The following RNF125 variants were observed in gnomAD, a reference collection of about 807,000 sequenced individuals.
The protein encoded by RNF125 is ring finger protein 125.
Under a neutral mutation model 26.0 loss-of-function variants are expected in RNF125, and 21 were observed. The observed-to-expected ratio is 0.81, with a 90% CI of 0.57 to 1.16. RNF125 has a LOEUF of 1.16. RNF125 is among the 50% of genes most tolerant of loss of function. The pLI is 0.00. For synonymous variants in RNF125, 95 were observed against 109.2 expected (o/e 0.87, Z 0.81); for missense variants, 270 against 299.4 (o/e 0.90, Z 0.72).
In RNF125 at chr18:32,069,223, C is replaced by T. The variant is rs572525591; in HGVS notation, c.*839C>T. 2.0e-5 allele frequency: 3 copies of T among 148,944 alleles called. No individual in the cohort carries two copies. Among genetic ancestry groups the T allele is most frequent in the Non-Finnish European group, 4.5e-5 (3 of 67,284 alleles). The allele number at this position is 148,944 out of a possible 1,614,324, so 9.2% of individuals were successfully genotyped here. A position where few individuals can be genotyped will look rare whatever the true frequency, so the allele number is the denominator to read the frequency against. On this transcript the variant is annotated 3_prime_UTR_variant, in exon 6 of 6. Transcript: ENST00000217740. ...CTCAAAAAAAAAAAAAAAAAAAATCCATTTAACCAAATTGTCTTACATAAT... is the reference window on the plus strand; with the variant it reads ...CTCAAAAAAAAAAAAAAAAAAAATCTATTTAACCAAATTGTCTTACATAAT...
At chr18:32,053,101 G>A (rs1002660623) in intron 4 of RNF125, among the ~76,000 whole-genome samples, 2 of 152,220 alleles carry the variant, frequency 1.3e-5, no homozygotes, top group Non-Finnish European at 2.9e-5. Flanking sequence ...GGTGGCTCAT[G>A]CCTGTAATCC....
At chr18:32,066,921 C>T (rs2039490099) in intron 5 of RNF125, among the ~76,000 whole-genome samples, 1 of 152,138 alleles carries the variant, frequency 6.6e-6, no homozygotes, top group Non-Finnish European at 1.5e-5. Context: ...CTCAACAGAA[C>T]TTGGTTCTGG....
At chr18:32,087,479 T>C in the RNF125 span, among the ~76,000 whole-genome samples, 1 of 151,806 alleles carries the variant, frequency 6.6e-6, no homozygotes, top group Admixed American at 6.6e-5. Flanking sequence ...TGACACTGTC[T>C]CTGGGTAGGT....
At position 32,019,382 on chromosome 18, in the gene RNF125, GGC is replaced by G. The variant is rs1268364829; in HGVS notation, c.164+356_164+357del. Among the ~76,000 whole-genome samples the G allele has an allele frequency of 2.1e-4, 32 of 152,272 alleles. No homozygotes were observed. In the South Asian group the frequency reaches 5.8e-3, roughly 28 times the overall value. On this transcript the variant is annotated intron_variant, in intron 1 of 5. Coordinates refer to ENST00000217740, the MANE Select transcript of RNF125 (RefSeq NM_017831.4). ...TGGCTGGAGAACCAGCGCTCGCCCA[GGC>G]ACGGAAAGGAAACGAGCTCCAGCTA... is the stretch of plus-strand genomic sequence containing the variant.
At chr18:32,020,006 G>C (rs1001212143) in intron 1 of RNF125, among the ~76,000 whole-genome samples, 3 of 31,950 alleles carry the variant, frequency 9.4e-5, no homozygotes, top group African/African-American at 2.3e-4. Context: ...TGTTTACTGT[G>C]TGTGTGTGTG....
chr18:32,076,937 ATCTG>A (rs1327925630), downstream of RNF125, among the ~76,000 whole-genome samples: 16 of 152,162 alleles, frequency 1.1e-4, no homozygotes, highest in Non-Finnish European at 2.2e-4. Context: ...CCTCCACCAA[ATCTG>A]TCTATTGTTT....
intron 4 of RNF125, among the ~76,000 whole-genome samples, chr18:32,047,121 C>G (rs2039280057): frequency 6.6e-6 from 1 of 152,036 alleles, no homozygotes; most frequent in South Asian, 2.1e-4. Context: ...ACTGCAACCT[C>G]CGCCTCCCAG....
intron 4 of RNF125, among the ~76,000 whole-genome samples, chr18:32,051,843 C>T (rs372015451): frequency 2.0e-5 from 3 of 151,828 alleles, no homozygotes; most frequent in African/African-American, 7.2e-5. Flanking sequence ...GCATGCACCA[C>T]TGCACCCAGC....
intron 1 of RNF125, 39 bp downstream of exon 1, chr18:32,019,066 G>C (rs2144419357): frequency 6.2e-7 from 1 of 1,602,264 alleles, no homozygotes; most frequent in African/African-American, 1.4e-5. Context: ...CCACCCCTAA[G>C]GAGGGCGATG....
At chr18:32,074,319 G>C (rs547539460), downstream of RNF125, among the ~76,000 whole-genome samples, 34 of 152,256 alleles carry the variant, frequency 2.2e-4, no homozygotes, top group South Asian at 1.2e-3. Context: ...TAATGTCAAG[G>C]CACTGAGGAA....
At chr18:32,087,188 C>G in the RNF125 span, among the ~76,000 whole-genome samples, 1 of 151,968 alleles carries the variant, frequency 6.6e-6, no homozygotes, top group Non-Finnish European at 1.5e-5. Flanking sequence ...AATCGTGTTT[C>G]TCTGAGTTCT....
At position 32,018,959 on chromosome 18, in the gene RNF125, C is replaced by T. The variant is rs766030807; in HGVS notation, c.96C>T (p.Val32=). 7 of 1,613,836 alleles carry T rather than the reference C, an allele frequency of 4.3e-6. No individual in the cohort carries two copies. The South Asian group carries it at 4.4e-5, about 10-fold the overall frequency. Residue 32 remains valine, a synonymous_variant, in exon 1 of 6, where the codon GTC becomes GTT. Coordinates refer to ENST00000217740, the MANE Select transcript of RNF125 (RefSeq NM_017831.4). The part of the protein sequence containing the change: ...LERRRDPELP[V]TSFDCAVCLE... Reference sequence around the variant, plus strand: ...GCAGGAGGGACCCGGAGTTGCCCGTCACGTCCTTCGACTGCGCCGTGTGCC... The same window carrying T: ...GCAGGAGGGACCCGGAGTTGCCCGTTACGTCCTTCGACTGCGCCGTGTGCC...
chr18:32,026,242 CTTTTTTTTTTTT>C (rs1181390375), intron 1 of RNF125, among the ~76,000 whole-genome samples: 1 of 73,144 alleles, frequency 1.4e-5, no homozygotes, highest in African/African-American at 6.5e-5. Flanking sequence ...AGCACCCGGT[CTTTTTTTTTTTT>C]TTTTTTTTTT....
the RNF125 span, among the ~76,000 whole-genome samples, chr18:32,089,285 TG>T: frequency 5.3e-5 from 8 of 152,108 alleles, no homozygotes; most frequent in African/African-American, 1.7e-4. Flanking sequence ...AAAGAGAACT[TG>T]CAGATTTCAG....
intron 3 of RNF125, among the ~76,000 whole-genome samples, chr18:32,044,732 C>T (rs961530470): frequency 1.3e-5 from 2 of 152,118 alleles, no homozygotes; most frequent in Admixed American, 6.6e-5. Context: ...TCCGAATTCA[C>T]ATAACATTTA....
chr18:32,069,346 A>T lies in RNF125; in HGVS notation c.*962A>T, dbSNP rs1479739276. 1 of 152,230 alleles carries T rather than the reference A, an allele frequency of 6.6e-6. No homozygotes were observed. 9.4% of individuals were successfully genotyped at this position (152,230 alleles called of 1,614,324 possible). On this transcript the variant is annotated 3_prime_UTR_variant, in exon 6 of 6. Transcript: ENST00000217740. ...AATTCAATATTTTTCAAATATTTATAGCTTATTTAGAAATATTTCTATAAT... is the reference window on the plus strand; with the variant it reads ...AATTCAATATTTTTCAAATATTTATTGCTTATTTAGAAATATTTCTATAAT...
At position 32,018,837 on chromosome 18, in the gene RNF125, G is replaced by A; in HGVS notation, c.-27G>A. ...CCCTGCGGCAGGCACTGAGTGCTTC[G>A]CAGCTGTCTGGGCGAGAGGCACAGC... On this transcript the variant is annotated 5_prime_UTR_variant, in exon 1 of 6. Transcript: ENST00000217740. 1.3e-6 allele frequency: 2 copies of A among 1,532,160 alleles called. No individual in the cohort carries two copies. The highest frequency in any genetic ancestry group is 1.9e-4 in the Middle Eastern group (1 of 5,326). 94.9% of individuals were successfully genotyped at this position (1,532,160 alleles called of 1,614,324 possible). A position where few individuals can be genotyped will look rare whatever the true frequency, so the allele number is the denominator to read the frequency against.
chr18:32,033,389 A>T (rs1364706223), intron 1 of RNF125, among the ~76,000 whole-genome samples: 1 of 152,028 alleles, frequency 6.6e-6, no homozygotes, highest in South Asian at 2.1e-4. Flanking sequence ...TTTGCCGAAC[A>T]TGGTGGCACA....
chr18:32,050,255 C>G (rs999505602), intron 4 of RNF125, among the ~76,000 whole-genome samples: 1 of 152,134 alleles, frequency 6.6e-6, no homozygotes, highest in Non-Finnish European at 1.5e-5. Context: ...TTTGACTTTT[C>G]TTATATGCAT....
Sources: allele counts gnomAD v4.1 joint callset (sites outside exome capture counted in the v4.1 genomes callset), GRCh38; gene constraint gnomAD v4.1.1; transcripts MANE v1.5; gene names NCBI Gene and HGNC (gene_info 2026-07-23, HGNC 2026-07-21).